Variants in PRH1 observed in about 807,000 individuals in gnomAD.
PRH1 encodes the protein salivary acidic proline-rich phosphoprotein 1/2.
In PRH1, 7 loss-of-function variants were observed where a neutral mutation model predicts 7.9. The observed-to-expected ratio is 0.89, with a 90% CI of 0.50 to 1.67. PRH1 has a LOEUF of 1.67. PRH1 is among the 40% of genes most tolerant of loss of function. The pLI is 0.00. For synonymous variants in PRH1, 45 were observed against 80.8 expected (o/e 0.56, Z 2.38); for missense variants, 109 against 223.6 (o/e 0.49, Z 3.27).
At chr12:11,032,589 A>G (rs1170229701) in intron 1 of PRH1, among the ~76,000 whole-genome samples, 2 of 152,240 alleles carry the variant, frequency 1.3e-5, no homozygotes, top group Admixed American at 6.5e-5. Context: ...GAGGCTGTGC[A>G]GATGAAATTA....
intron 2 of PRH1, among the ~76,000 whole-genome samples, chr12:10,924,040 G>C (rs1285069580): frequency 8.7e-6 from 1 of 115,012 alleles, no homozygotes; most frequent in Non-Finnish European, 1.6e-5. Flanking sequence ...CTGTCGCCCA[G>C]GCTGGAGTGC....
At chr12:10,996,808 G>A (rs933510203) in intron 1 of PRH1, 1 of 620,124 alleles carries the variant, frequency 1.6e-6, no homozygotes, top group Non-Finnish European at 2.5e-6. Context: ...ATAAACTTAG[G>A]TAAAAGACTT....
At chr12:10,948,340 T>A (rs1231156588) in intron 2 of PRH1, among the ~76,000 whole-genome samples, 1 of 152,250 alleles carries the variant, frequency 6.6e-6, no homozygotes, top group Non-Finnish European at 1.5e-5. Context: ...ATGCTTTTTC[T>A]TTATTTTTGT....
At chr12:11,005,132 T>C (rs1157758029) in intron 1 of PRH1, among the ~76,000 whole-genome samples, 2 of 152,166 alleles carry the variant, frequency 1.3e-5, no homozygotes, top group African/African-American at 4.8e-5. Context: ...CACCAGGGCA[T>C]GCTAATGAAT....
At chr12:11,166,764 T>C (rs564046904) in intron 1 of PRH1, among the ~76,000 whole-genome samples, 79 of 152,350 alleles carry the variant, frequency 5.2e-4, no homozygotes, top group African/African-American at 1.9e-3. Context: ...TACAAAATTA[T>C]CTTAACAGTT....
At chr12:11,152,274 A>G (rs1234017500) in intron 1 of PRH1, among the ~76,000 whole-genome samples, 1 of 122,552 alleles carries the variant, frequency 8.2e-6, no homozygotes, top group African/African-American at 3.1e-5. Flanking sequence ...GATGTTTATT[A>G]TAAATAAAAT....
chr12:11,038,186 AC>A (rs1942524407), intron 1 of PRH1, among the ~76,000 whole-genome samples: 1 of 152,292 alleles, frequency 6.6e-6, no homozygotes, highest in Non-Finnish European at 1.5e-5. Context: ...TTAGAAATAT[AC>A]TTTATGTTTC....
At chr12:10,952,603 T>C (rs1229773553) in intron 2 of PRH1, among the ~76,000 whole-genome samples, 1 of 152,152 alleles carries the variant, frequency 6.6e-6, no homozygotes, top group African/African-American at 2.4e-5. Context: ...GAAACACAAT[T>C]GACTGTCCAG....
intron 2 of PRH1, among the ~76,000 whole-genome samples, chr12:10,971,997 T>A (rs1393084838): frequency 1.3e-5 from 2 of 152,164 alleles, no homozygotes; most frequent in Non-Finnish European, 1.5e-5. Flanking sequence ...GCAAATAGAA[T>A]TATACCAGAG....
intron 2 of PRH1, among the ~76,000 whole-genome samples, chr12:10,946,341 C>T (rs1300541757): frequency 6.6e-6 from 1 of 152,104 alleles, no homozygotes; most frequent in Non-Finnish European, 1.5e-5. Flanking sequence ...CTGGTCCCTC[C>T]GTTTGGGGTC....
intron 1 of PRH1, among the ~76,000 whole-genome samples, chr12:11,146,599 C>G (rs994132771): frequency 1.3e-5 from 2 of 152,126 alleles, no homozygotes; most frequent in Admixed American, 1.3e-4. Context: ...TAAAACTTAT[C>G]AAACTTTTCC....
intron 2 of PRH1, among the ~76,000 whole-genome samples, chr12:10,953,773 A>G (rs1937806863): frequency 6.6e-6 from 1 of 152,168 alleles, no homozygotes; most frequent in Admixed American, 6.5e-5. Flanking sequence ...CCCCTACGAA[A>G]TACTACACAA....
At position 10,996,991 on chromosome 12, in the gene PRH1, C is replaced by A. The variant is rs137857369; in HGVS notation, c.-125-23270G>T. On this transcript the variant is annotated intron_variant, in intron 1 of 3. Coordinates refer to the PRH1 transcript ENST00000539853. ...GTCCTTTTGCCCAGCAAGTCACCTG[C>A]CACAAAACTGAAAGAAAGGTCTGCT... The A allele has an allele frequency of 5.5e-5, 88 of 1,613,518 alleles. No homozygotes were observed. In the Middle Eastern group the frequency reaches 6.6e-4, roughly 12 times the overall value.
intron 1 of PRH1, chr12:10,986,206 G>C (rs752598677): frequency 1.9e-6 from 3 of 1,614,092 alleles, no homozygotes; most frequent in Non-Finnish European, 2.5e-6. Flanking sequence ...TTGGTGCTGA[G>C]ATCTTGCGAT....
intron 2 of PRH1, among the ~76,000 whole-genome samples, chr12:10,972,325 C>T (rs1260102840): frequency 2.0e-5 from 3 of 152,138 alleles, no homozygotes; most frequent in African/African-American, 7.2e-5. Context: ...TACCTGAATT[C>T]TGAATGTGCA....
At chr12:11,006,902 A>T (rs930884182) in intron 1 of PRH1, among the ~76,000 whole-genome samples, 1 of 152,094 alleles carries the variant, frequency 6.6e-6, no homozygotes, top group African/African-American at 2.4e-5. Context: ...TATACGCTGA[A>T]ATTTTTAAAA....
At chr12:10,946,354 T>G (rs1008611442) in intron 2 of PRH1, among the ~76,000 whole-genome samples, 13 of 152,230 alleles carry the variant, frequency 8.5e-5, no homozygotes, top group Non-Finnish European at 1.5e-4. Context: ...TTGGGGTCTC[T>G]GACTTCCAGC....
chr12:11,033,603 T>C (rs556728144), intron 1 of PRH1, among the ~76,000 whole-genome samples: 15 of 152,260 alleles, frequency 9.9e-5, no homozygotes, highest in Non-Finnish European at 1.6e-4. Context: ...GTGAGGTCGA[T>C]AATTAAGGCT....
chr12:11,014,923 C>T (rs1273943029), intron 1 of PRH1, among the ~76,000 whole-genome samples: 1 of 152,050 alleles, frequency 6.6e-6, no homozygotes, highest in Non-Finnish European at 1.5e-5. Flanking sequence ...AGGTGATGGC[C>T]TGGCAGTTGT....
Sources: gnomAD v4.1 joint callset for allele counts (sites outside exome capture counted in the v4.1 genomes callset) on GRCh38, gnomAD v4.1.1 for gene constraint, MANE v1.5 for transcripts, NCBI Gene and HGNC (gene_info 2026-07-23, HGNC 2026-07-21) for gene names.